Variants in HPCAL1 observed in about 807,000 individuals in gnomAD.
The protein encoded by HPCAL1 is hippocalcin like 1.
A neutral mutation model predicts 17.1 loss-of-function variants in HPCAL1; 8 were observed. The observed-to-expected ratio is 0.47, with a 90% CI of 0.27 to 0.84. The LOEUF is 0.84. Ranked by LOEUF, HPCAL1 falls within the 40% of genes least tolerant of loss-of-function variation. HPCAL1 has a pLI of 0.13. For missense variants in HPCAL1, 165 were observed against 271.1 expected (o/e 0.61, Z 2.75); for synonymous variants, 112 against 111.4 (o/e 1.01, Z -0.03).
intron 1 of HPCAL1, among the ~76,000 whole-genome samples, chr2:10,334,351 A>C (rs550649119): frequency 1.9e-4 from 29 of 151,968 alleles, no homozygotes; most frequent in African/African-American, 7.0e-4. Context: ...CAAAAAAACC[A>C]ACAACAGTTA....
At chr2:10,309,251 C>T (rs923050979) in intron 1 of HPCAL1, among the ~76,000 whole-genome samples, 1 of 152,136 alleles carries the variant, frequency 6.6e-6, no homozygotes, top group Non-Finnish European at 1.5e-5. Context: ...CCAGACTGGT[C>T]TTGAGCTCCC....
intron 1 of HPCAL1, among the ~76,000 whole-genome samples, chr2:10,370,347 C>G (rs1667130563): frequency 6.6e-6 from 1 of 152,212 alleles, no homozygotes; most frequent in Admixed American, 6.5e-5. Context: ...TGGGACTTGG[C>G]AGTGGGGGAA....
Position 10,304,986 on chromosome 2 carries a change from A to T in HPCAL1, c.-111+1809A>T, listed in dbSNP as rs1662528739. On this transcript the variant is annotated intron_variant, in intron 1 of 4. Coordinates refer to ENST00000307845, the MANE Select transcript of HPCAL1 (RefSeq NM_002149.4). The surrounding 1 kb of genome is among the most constrained non-coding windows in gnomAD (Gnocchi z 4.1). ...CTTTGCGGGCTTTTAGGAGCCAGGG[A>T]TAGAAACCTGGTCCGGTTCCTTTGG... Among the ~76,000 whole-genome samples the T allele has an allele frequency of 6.6e-6, 1 of 152,126 alleles. No homozygotes were observed. Among genetic ancestry groups the T allele is most frequent in the South Asian group, 2.1e-4 (1 of 4,828 alleles).
chr2:10,385,044 C>T (rs148486048), intron 1 of HPCAL1, among the ~76,000 whole-genome samples: 11,725 of 151,062 alleles, frequency 0.078, 562 homozygotes, highest in Middle Eastern at 0.2. Flanking sequence ...CACTTGAACC[C>T]GGGAGGTGAA....
At chr2:10,325,555 A>G (rs1375203100) in intron 1 of HPCAL1, among the ~76,000 whole-genome samples, 2 of 57,854 alleles carry the variant, frequency 3.5e-5, no homozygotes, top group Non-Finnish European at 7.3e-5. Context: ...GCCTGCTCAG[A>G]GCAGGTTTCC....
In HPCAL1 at chr2:10,342,381, G is replaced by A. The variant is rs1049388308; in HGVS notation, c.-111+39204G>A. Among the ~76,000 whole-genome samples, 2 of 152,166 alleles carry A rather than the reference G, an allele frequency of 1.3e-5. No individual in the cohort carries two copies. Among genetic ancestry groups the A allele is most frequent in the African/African-American group, 4.8e-5 (2 of 41,430 alleles). On this transcript the variant is annotated intron_variant, in intron 1 of 4. Transcript: ENST00000307845. The surrounding 1 kb of genome is among the most constrained non-coding windows in gnomAD (Gnocchi z 4.1). ...TGGAATGCCACAGCCCTGCTTCTGT[G>A]CGAGGCCAGTCAGTCTGGGTCCTGG... is the stretch of plus-strand genomic sequence containing the variant.
At chr2:10,321,410 A>G (rs1337264249) in intron 1 of HPCAL1, among the ~76,000 whole-genome samples, 1 of 151,792 alleles carries the variant, frequency 6.6e-6, no homozygotes, top group Non-Finnish European at 1.5e-5. Context: ...TCAGTGAGAG[A>G]TGCAGTTTTT....
chr2:10,409,778 T>A (rs1670215985), intron 2 of HPCAL1, among the ~76,000 whole-genome samples: 2 of 9,242 alleles, frequency 2.2e-4, no homozygotes, highest in African/African-American at 8.4e-4. Flanking sequence ...AGCCTCAGTC[T>A]TTTTTTTTTT....
chr2:10,340,254 T>G (rs972774773), intron 1 of HPCAL1, among the ~76,000 whole-genome samples: 3 of 152,316 alleles, frequency 2.0e-5, no homozygotes, highest in East Asian at 1.9e-4. Context: ...CCCAGTTACC[T>G]TTCTTGAACG....
At chr2:10,339,587 C>T (rs35790543) in intron 1 of HPCAL1, among the ~76,000 whole-genome samples, 26,643 of 152,220 alleles carry the variant, frequency 0.18, 2,636 homozygotes, top group Non-Finnish European at 0.23. Flanking sequence ...GACCTCAAGT[C>T]ATCTGCCTGC....
intron 1 of HPCAL1, among the ~76,000 whole-genome samples, chr2:10,347,512 C>G (rs1238753735): frequency 6.6e-6 from 1 of 152,152 alleles, no homozygotes; most frequent in Non-Finnish European, 1.5e-5. Context: ...AATGGCCACA[C>G]CCACTACTTC....
chr2:10,427,134 A>G lies in HPCAL1; in HGVS notation c.*313A>G. ...CTCAGAGGTCCATGCCGAGGAGACC[A>G]GGCAGGACCTCCCGAGGCTGCGCCC... On this transcript the variant is annotated 3_prime_UTR_variant, in exon 5 of 5. Transcript: ENST00000307845. 3.0e-6 allele frequency: 1 copy of G among 332,656 alleles called. No homozygotes were observed. The allele number at this position is 332,656 out of a possible 1,614,324, so 20.6% of individuals were successfully genotyped here.
intron 1 of HPCAL1, among the ~76,000 whole-genome samples, chr2:10,320,755 C>T (rs1663625428): frequency 6.6e-6 from 1 of 152,202 alleles, no homozygotes; most frequent in Admixed American, 6.5e-5. Flanking sequence ...CATTCATTCA[C>T]TCACTCATTC....
chr2:10,357,562 A>C (rs1227937504), intron 1 of HPCAL1, among the ~76,000 whole-genome samples: 1 of 151,962 alleles, frequency 6.6e-6, no homozygotes, highest in Non-Finnish European at 1.5e-5. Flanking sequence ...TCCTCCGCGG[A>C]GTGTGTTAGG....
chr2:10,413,467 G>T (rs571699432), intron 2 of HPCAL1, among the ~76,000 whole-genome samples: 2 of 152,348 alleles, frequency 1.3e-5, no homozygotes, highest in East Asian at 3.9e-4. Context: ...CTTGTGCCAG[G>T]CCCAGCTGGG....
chr2:10,394,722 G>A lies in HPCAL1; in HGVS notation c.-110-2113G>A, dbSNP rs567944062. Among the ~76,000 whole-genome samples the A allele has an allele frequency of 3.3e-5, 5 of 152,306 alleles. No individual in the cohort carries two copies. The highest frequency in any genetic ancestry group is 1.2e-4 in the African/African-American group (5 of 41,556). On this transcript the variant is annotated intron_variant, in intron 1 of 4. Transcript: ENST00000307845. This position sits in a 1 kb window ranked among gnomAD's most constrained non-coding sequence, Gnocchi z 5.0. ...GATGTGGATCGTGGGGAAGGCTGTG[G>A]CCGGGAGTGGTGTAAGGGGTGTGTG...
At position 10,343,793 on chromosome 2, in the gene HPCAL1, G is replaced by A. The variant is rs1266770584; in HGVS notation, c.-111+40616G>A. Among the ~76,000 whole-genome samples, 2 of 152,194 alleles carry A rather than the reference G, an allele frequency of 1.3e-5. No homozygotes were observed. The highest frequency in any genetic ancestry group is 1.3e-4 in the Admixed American group (2 of 15,292). On this transcript the variant is annotated intron_variant, in intron 1 of 4. Transcript: ENST00000307845. This position sits in a 1 kb window ranked among gnomAD's most constrained non-coding sequence, Gnocchi z 4.8. ...TCTGCTGTTCTCTTGTGCTGGGCGT[G>A]GCTCAGGGCTGAGGGGAGAGAGGAG... is the stretch of plus-strand genomic sequence containing the variant.
chr2:10,358,151 G>T (rs914501229), intron 1 of HPCAL1, among the ~76,000 whole-genome samples: 2 of 152,248 alleles, frequency 1.3e-5, no homozygotes, highest in Non-Finnish European at 2.9e-5. Flanking sequence ...CCGATGGCTG[G>T]ATGATTCCGG....
intron 2 of HPCAL1, among the ~76,000 whole-genome samples, chr2:10,410,436 C>CATTTT (rs1553360283): frequency 1.3e-5 from 1 of 77,496 alleles, no homozygotes; most frequent in Non-Finnish European, 2.3e-5. Flanking sequence ...TCTTCTTCTT[C>CATTTT]TTTTTTTTTT....
Sources: gnomAD v4.1 joint callset for allele counts (sites outside exome capture counted in the v4.1 genomes callset) on GRCh38, gnomAD v4.1.1 for gene constraint, Gnocchi (gnomAD v3.1) non-coding constraint, MANE v1.5 for transcripts, NCBI Gene and HGNC (gene_info 2026-07-23, HGNC 2026-07-21) for gene names.